The following KCNK2 variants were observed in gnomAD, a reference collection of about 807,000 sequenced individuals.
The protein encoded by KCNK2 is potassium channel subfamily K member 2.
A neutral mutation model predicts 40.5 loss-of-function variants in KCNK2; 21 were observed. That is an observed-to-expected ratio of 0.52 (90% CI 0.37 to 0.75). KCNK2 has a LOEUF of 0.75. Among genes scored for constraint, KCNK2 ranks in the 30% least tolerant of loss-of-function variants. The pLI is 0.00. For missense variants in KCNK2, 399 were observed against 531.6 expected (o/e 0.75, Z 2.45); for synonymous variants, 191 against 202.2 (o/e 0.94, Z 0.47).
At chr1:215,053,968 A>G (rs1052124970) in intron 1 of KCNK2, among the ~76,000 whole-genome samples, 1 of 152,224 alleles carries the variant, frequency 6.6e-6, no homozygotes, top group African/African-American at 2.4e-5. Flanking sequence ...CTCCATCTCA[A>G]AAAAACAAAG....
At chr1:215,054,824 T>C (rs979189901) in intron 1 of KCNK2, among the ~76,000 whole-genome samples, 18 of 152,344 alleles carry the variant, frequency 1.2e-4, no homozygotes, top group Non-Finnish European at 2.5e-4. Context: ...AGTGCATGTG[T>C]ACTTTAAATT....
chr1:215,196,456 T>G (rs1664869427), intron 6 of KCNK2, among the ~76,000 whole-genome samples: 1 of 152,186 alleles, frequency 6.6e-6, no homozygotes, highest in Non-Finnish European at 1.5e-5. Flanking sequence ...TTATCCATAC[T>G]TTACTTCAAG....
intron 3 of KCNK2, among the ~76,000 whole-genome samples, chr1:215,156,252 A>G (rs770882739): frequency 6.6e-6 from 1 of 152,198 alleles, no homozygotes; most frequent in Non-Finnish European, 1.5e-5. Flanking sequence ...GATCATAAAA[A>G]TGCCTGTTCA....
intron 2 of KCNK2, among the ~76,000 whole-genome samples, chr1:215,093,703 T>C (rs1659812069): frequency 1.1e-5 from 1 of 94,468 alleles, no homozygotes; most frequent in African/African-American, 4.4e-5. Flanking sequence ...TATTATATAT[T>C]ATATTATATA....
intron 1 of KCNK2, among the ~76,000 whole-genome samples, chr1:215,068,391 C>T (rs569339748): frequency 4.2e-4 from 64 of 152,128 alleles, no homozygotes; most frequent in Middle Eastern, 3.4e-3. Flanking sequence ...TTACTTCAGG[C>T]GAAAGAAACA....
chr1:215,122,562 T>A lies in KCNK2; in HGVS notation c.358-2071T>A, dbSNP rs144252758. 7.6e-4 allele frequency among the ~76,000 whole-genome samples: 116 copies of A among 152,166 alleles called. 1 individual carries two copies. Among genetic ancestry groups the A allele is most frequent in the African/African-American group, 2.6e-3 (106 of 41,516 alleles). ...AAGGAATCATTCATGTTCAGTATTA[T>A]TCATGATAAGGGTTATATAAATGGA... On this transcript the variant is annotated intron_variant, in intron 2 of 6. Transcript: ENST00000444842.
intron 3 of KCNK2, among the ~76,000 whole-genome samples, chr1:215,127,768 A>T (rs1451255003): frequency 6.6e-6 from 1 of 152,176 alleles, no homozygotes; most frequent in Non-Finnish European, 1.5e-5. Flanking sequence ...CCTGATACAT[A>T]TTGGGTGCAT....
At chr1:215,219,122 C>A (rs912244954) in intron 6 of KCNK2, among the ~76,000 whole-genome samples, 1 of 152,160 alleles carries the variant, frequency 6.6e-6, no homozygotes, top group African/African-American at 2.4e-5. Flanking sequence ...CTCACAGAGA[C>A]ACATAGATCT....
At chr1:215,077,275 T>C (rs1658978384) in intron 1 of KCNK2, among the ~76,000 whole-genome samples, 1 of 152,186 alleles carries the variant, frequency 6.6e-6, no homozygotes. Context: ...AGACATTTCA[T>C]CGAAGTACTG....
At chr1:215,040,443 T>G (rs1657524906) in intron 1 of KCNK2, among the ~76,000 whole-genome samples, 1 of 152,160 alleles carries the variant, frequency 6.6e-6, no homozygotes, top group Non-Finnish European at 1.5e-5. Context: ...TTCATTAGGA[T>G]TACACCAGAT....
At chr1:215,012,626 CA>C (rs1287230444) in intron 1 of KCNK2, among the ~76,000 whole-genome samples, 1 of 149,188 alleles carries the variant, frequency 6.7e-6, no homozygotes. Context: ...TGCACACCAC[CA>C]CACCCAGCTA....
intron 1 of KCNK2, among the ~76,000 whole-genome samples, chr1:215,015,034 G>A (rs967517785): frequency 1.3e-5 from 2 of 152,180 alleles, no homozygotes; most frequent in Non-Finnish European, 2.9e-5. Context: ...GAGAGGTCAG[G>A]AAAGCATATC....
intron 1 of KCNK2, among the ~76,000 whole-genome samples, chr1:215,053,679 A>G (rs1658062959): frequency 6.6e-6 from 1 of 152,234 alleles, no homozygotes; most frequent in Non-Finnish European, 1.5e-5. Context: ...TAGCTTACAA[A>G]GGTAGAGCAA....
At chr1:215,159,751 C>T (rs1438413072) in intron 3 of KCNK2, among the ~76,000 whole-genome samples, 1 of 152,052 alleles carries the variant, frequency 6.6e-6, no homozygotes, top group Admixed American at 6.5e-5. Context: ...CTACAAATAA[C>T]TTATTAATTG....
intron 6 of KCNK2, among the ~76,000 whole-genome samples, chr1:215,205,782 T>G (rs1239467918): frequency 6.6e-6 from 1 of 152,170 alleles, no homozygotes; most frequent in Non-Finnish European, 1.5e-5. Context: ...CTGATTAATT[T>G]GGTAACACAC....
At chr1:215,103,845 G>A (rs1660321602) in intron 2 of KCNK2, among the ~76,000 whole-genome samples, 1 of 152,000 alleles carries the variant, frequency 6.6e-6, no homozygotes, top group Non-Finnish European at 1.5e-5. Context: ...TTGTGTGTCT[G>A]TGTGTCTGTT....
At chr1:215,140,271 GT>G (rs1662118095) in intron 3 of KCNK2, among the ~76,000 whole-genome samples, 2 of 152,246 alleles carry the variant, frequency 1.3e-5, no homozygotes, top group South Asian at 4.1e-4. Context: ...TTTAGGCAAG[GT>G]GATTCAGTCA....
In KCNK2 at chr1:215,144,657, G is replaced by A. The variant is rs578082380; in HGVS notation, c.475+19907G>A. ...AGTTTTCCACTTTGTGTAGTGATGG[G>A]GTCAGAATTCTATTGGCTGTGTCTA... On this transcript the variant is annotated intron_variant, in intron 3 of 6. Transcript: ENST00000444842. Among the ~76,000 whole-genome samples the A allele has an allele frequency of 1.9e-3, 290 of 151,864 alleles. 2 individuals are homozygous for A. Among genetic ancestry groups the A allele is most frequent in the Non-Finnish European group, 3.3e-3 (221 of 67,930 alleles).
intron 6 of KCNK2, among the ~76,000 whole-genome samples, chr1:215,234,365 T>C (rs1250760127): frequency 3.3e-5 from 5 of 152,212 alleles, no homozygotes; most frequent in Admixed American, 2.6e-4. Context: ...TTTTCAGAAC[T>C]AAACAAGGTC....
Sources: allele counts gnomAD v4.1 joint callset (sites outside exome capture counted in the v4.1 genomes callset), GRCh38; gene constraint gnomAD v4.1.1; transcripts MANE v1.5; gene names NCBI Gene and HGNC (gene_info 2026-07-23, HGNC 2026-07-21).